Variants in CNTN5 observed in about 807,000 individuals in gnomAD.
CNTN5 encodes the protein contactin 5, also known as contactin-5.
Under a neutral mutation model 129.1 loss-of-function variants are expected in CNTN5, and 77 were observed. The observed-to-expected ratio is 0.60, with a 90% CI of 0.50 to 0.72. CNTN5 has a LOEUF of 0.72. Among genes scored for constraint, CNTN5 ranks in the 30% least tolerant of loss-of-function variants. CNTN5 has a pLI of 0.00. For missense variants in CNTN5, 1,478 were observed against 1,328.8 expected, an observed-to-expected ratio of 1.11 and a Z score of -1.75; for synonymous variants, 509 against 465.6, an observed-to-expected ratio of 1.09 and a Z score of -1.20.
At chr11:99,550,162 G>A (rs1948435722) in intron 2 of CNTN5, among the ~76,000 whole-genome samples, 1 of 152,102 alleles carries the variant, frequency 6.6e-6, no homozygotes, top group African/African-American at 2.4e-5. Flanking sequence ...AGCTCAGTCT[G>A]CTCACTACAT....
chr11:99,792,574 T>C (rs1377971511), intron 3 of CNTN5, among the ~76,000 whole-genome samples: 2 of 10,412 alleles, frequency 1.9e-4, no homozygotes, highest in African/African-American at 8.2e-4. Context: ...TGTGTGTGTG[T>C]GTCTGTCTGT....
intron 13 of CNTN5, among the ~76,000 whole-genome samples, chr11:100,127,942 T>C (rs1946249339): frequency 6.6e-6 from 1 of 152,114 alleles, no homozygotes; most frequent in African/African-American, 2.4e-5. Context: ...ATTACAGGCA[T>C]GAGCCACCAC....
chr11:99,981,312 G>C (rs770157961), intron 8 of CNTN5, among the ~76,000 whole-genome samples: 5 of 151,844 alleles, frequency 3.3e-5, no homozygotes, highest in African/African-American at 2.4e-5. Context: ...TAACCCAGGG[G>C]GACCACTGGT....
chr11:99,560,152 A>G (rs1251364685), intron 3 of CNTN5, among the ~76,000 whole-genome samples: 2 of 152,086 alleles, frequency 1.3e-5, no homozygotes, highest in Non-Finnish European at 1.5e-5. Context: ...ATTTATCAAA[A>G]TCAACTAGAA....
At chr11:100,099,689 T>C (rs1177746239) in intron 13 of CNTN5, among the ~76,000 whole-genome samples, 1 of 152,002 alleles carries the variant, frequency 6.6e-6, no homozygotes, top group African/African-American at 2.4e-5. Flanking sequence ...ATTAATATCA[T>C]TCAATTTATA....
At chr11:99,869,614 C>T (rs1417605509) in intron 6 of CNTN5, among the ~76,000 whole-genome samples, 4 of 152,120 alleles carry the variant, frequency 2.6e-5, no homozygotes, top group Non-Finnish European at 4.4e-5. Context: ...ATAGCAGAAA[C>T]ATACTCATTT....
At chr11:100,006,116 A>AT (rs1326386006) in intron 9 of CNTN5, among the ~76,000 whole-genome samples, 3 of 152,208 alleles carry the variant, frequency 2.0e-5, no homozygotes, top group Non-Finnish European at 2.9e-5. Flanking sequence ...AGGCAGTAGC[A>AT]TTTACATGCC....
chr11:100,309,675 A>G (rs1565419265), intron 21 of CNTN5: 1 of 984,886 alleles, frequency 1.0e-6, no homozygotes, highest in Non-Finnish European at 1.2e-6. Context: ...CCCATAACTG[A>G]CCACAATAAA....
At chr11:99,322,323 A>AATG (rs1362424037) in intron 1 of CNTN5, among the ~76,000 whole-genome samples, 2 of 152,150 alleles carry the variant, frequency 1.3e-5, no homozygotes, top group Non-Finnish European at 2.9e-5. Flanking sequence ...TAAGAGCACC[A>AATG]ATGATGTATC....
At chr11:99,554,563 G>A (rs1292941765) in intron 2 of CNTN5, among the ~76,000 whole-genome samples, 1 of 152,068 alleles carries the variant, frequency 6.6e-6, no homozygotes, top group Non-Finnish European at 1.5e-5. Flanking sequence ...GAGGACCTTA[G>A]GACATTGTAA....
chr11:99,862,232 G>A (rs1298141730), intron 6 of CNTN5, among the ~76,000 whole-genome samples: 1 of 152,072 alleles, frequency 6.6e-6, no homozygotes, highest in African/African-American at 2.4e-5. Context: ...ATGACAACTA[G>A]CTAAGGGCAA....
chr11:99,914,729 A>G (rs1431753704), intron 6 of CNTN5, among the ~76,000 whole-genome samples: 2 of 152,126 alleles, frequency 1.3e-5, no homozygotes, highest in African/African-American at 4.8e-5. Flanking sequence ...ATTCTGCAAT[A>G]ATGAATACTT....
intron 3 of CNTN5, among the ~76,000 whole-genome samples, chr11:99,627,443 AAT>A (rs1340335405): frequency 7.6e-6 from 1 of 131,824 alleles, no homozygotes; most frequent in African/African-American, 2.6e-5. Context: ...GAAATGGAAA[AAT>A]ATGGTTTTTA....
Position 100,356,324 on chromosome 11 carries a change from T to C in CNTN5, c.*104T>C. The C allele has an allele frequency of 1.3e-6, 1 of 799,842 alleles. No individual in the cohort carries two copies. The highest frequency in any genetic ancestry group is 1.5e-5 in the South Asian group (1 of 68,050). 49.5% of individuals were successfully genotyped at this position (799,842 alleles called of 1,614,324 possible). ...AGGATCCTGAGATGAGCTTGAGCTTTAAAAACTTGGGACTATACATGGTGA... is the reference window on the plus strand; with the variant it reads ...AGGATCCTGAGATGAGCTTGAGCTTCAAAAACTTGGGACTATACATGGTGA... On this transcript the variant is annotated 3_prime_UTR_variant, in exon 25 of 25. Coordinates refer to ENST00000524871, the MANE Select transcript of CNTN5 (RefSeq NM_014361.4).
chr11:100,195,757 G>A (rs1261135785), intron 15 of CNTN5, among the ~76,000 whole-genome samples: 1 of 151,896 alleles, frequency 6.6e-6, no homozygotes, highest in Non-Finnish European at 1.5e-5. Flanking sequence ...CTTTCTCTCA[G>A]TTACTTCAAA....
intron 15 of CNTN5, among the ~76,000 whole-genome samples, chr11:100,208,920 G>C (rs1948967586): frequency 6.6e-6 from 1 of 152,102 alleles, no homozygotes; most frequent in African/African-American, 2.4e-5. Context: ...TTGGTGAAGG[G>C]GGCAGCTAGG....
chr11:100,162,585 T>C (rs993380234), intron 13 of CNTN5, among the ~76,000 whole-genome samples: 2 of 151,838 alleles, frequency 1.3e-5, no homozygotes, highest in East Asian at 1.9e-4. Context: ...CTTAAGCTAT[T>C]GCTTTTCTCA....
intron 13 of CNTN5, among the ~76,000 whole-genome samples, chr11:100,190,423 C>T (rs11223163): frequency 0.049 from 7,499 of 152,164 alleles, 368 homozygotes; most frequent in East Asian, 0.29. Context: ...CAGGAGAATA[C>T]GTTAATTCCA....
At position 99,082,096 on chromosome 11, in the gene CNTN5, G is replaced by A. The variant is rs540587979; in HGVS notation, c.-210+60826G>A. On this transcript the variant is annotated intron_variant, in intron 1 of 24. Transcript: ENST00000524871. ...GTGATGTATTATGGTGGAGTAGTTA[G>A]ATGTTTACTCCTACATACAGAATCA... Among the ~76,000 whole-genome samples the A allele has an allele frequency of 1.2e-3, 189 of 151,828 alleles. 1 individual carries two copies. The Middle Eastern group carries it at 0.024, about 19-fold the overall frequency.
Sources: gnomAD v4.1 joint callset for allele counts (sites outside exome capture counted in the v4.1 genomes callset) on GRCh38, gnomAD v4.1.1 for gene constraint, MANE v1.5 for transcripts, NCBI Gene and HGNC (gene_info 2026-07-23, HGNC 2026-07-21) for gene names.